DAAM2: variants seen among roughly 807,000 people sequenced by gnomAD.
DAAM2 encodes the protein dishevelled associated activator of morphogenesis 2.
DAAM2 carries 39 observed loss-of-function variants against 120.7 expected under a neutral mutation model. The ratio of observed to expected loss-of-function variants is 0.32; its 90% confidence interval spans 0.25 to 0.42. The LOEUF is 0.42. Ranked by LOEUF, DAAM2 falls within the 10% of genes least tolerant of loss-of-function variation. The probability of loss-of-function intolerance (pLI) is 1.00; values close to 1 mark genes in which losing one functional copy is unlikely to be tolerated. For synonymous variants in DAAM2, 488 were observed against 524.9 expected (o/e 0.93, Z 0.96); for missense variants, 1,283 against 1,401.7 (o/e 0.92, Z 1.35).
Position 39,878,332 on chromosome 6 carries a change from C to T in DAAM2, c.1360+71C>T. The stretch of plus-strand genomic sequence containing the variant: ...CCCTGCCCAGCCCATAACTCCATGC[C>T]CTTCCAGGCAGGGAGTCACATTACT... On this transcript the variant is annotated intron_variant, in intron 12 of 24. Transcript: ENST00000274867. The surrounding 1 kb of genome is among the most constrained non-coding windows in gnomAD (Gnocchi z 5.0). 6.2e-7 allele frequency: 1 copy of T among 1,610,250 alleles called. No individual in the cohort carries two copies. Among genetic ancestry groups the T allele is most frequent in the East Asian group, 2.2e-5 (1 of 44,838 alleles).
intron 19 of DAAM2, among the ~76,000 whole-genome samples, chr6:39,892,329 A>T (rs1232710397): frequency 6.6e-6 from 1 of 152,168 alleles, no homozygotes; most frequent in East Asian, 1.9e-4. Context: ...GGTGGGTGCT[A>T]TTATTAATTT....
At position 39,901,708 on chromosome 6, in the gene DAAM2, C is replaced by A. The variant is rs188998316; in HGVS notation, c.2983-105C>A. 1.6e-5 allele frequency: 18 copies of A among 1,130,200 alleles called. No individual in the cohort carries two copies. The highest frequency in any genetic ancestry group is 2.2e-5 in the Non-Finnish European group (18 of 819,834). 70.0% of individuals were successfully genotyped at this position (1,130,200 alleles called of 1,614,324 possible). ...AGAAAGTGGGGCCAACAGATACAGG[C>A]AGGCAGCATGACCATGGCCTAGGAG... is the stretch of plus-strand genomic sequence containing the variant. On this transcript the variant is annotated intron_variant, in intron 24 of 24. Coordinates refer to ENST00000274867, the MANE Select transcript of DAAM2 (RefSeq NM_001201427.2). This position sits in a 1 kb window ranked among gnomAD's most constrained non-coding sequence, Gnocchi z 4.5.
chr6:39,896,126 T>C (rs1766071310), intron 19 of DAAM2, among the ~76,000 whole-genome samples: 1 of 152,138 alleles, frequency 6.6e-6, no homozygotes, highest in African/African-American at 2.4e-5. Context: ...TGAAGTTAAG[T>C]GCTAGGTTTA....
At chr6:39,870,526 G>A in intron 8 of DAAM2, 83 bp downstream of exon 8, 8 of 885,814 alleles carry the variant, frequency 9.0e-6, no homozygotes, top group African/African-American at 1.7e-5. Context: ...TGTGAAGGCT[G>A]CCCTTCCCTC....
chr6:39,893,325 G>C (rs1213821709), intron 19 of DAAM2, among the ~76,000 whole-genome samples: 1 of 152,138 alleles, frequency 6.6e-6, no homozygotes, highest in Non-Finnish European at 1.5e-5. Context: ...GACCACTCTG[G>C]CTAACACGGT....
In DAAM2 at chr6:39,856,396, C is replaced by T; in HGVS notation, c.94C>T (p.Pro32Ser). ...CGAAATCAACCTCCGGGACAACCAC[C>T]CTCTGCAGTTCATGGAGTTCTCCAG... ...IPEINLRDNHPLQFMEFSSPI... is the reference protein window; with the variant it reads ...IPEINLRDNHSLQFMEFSSPI... The change falls in exon 2 of 25, where the codon CCT becomes TCT. Residue 32 changes from proline (P) to serine (S), a missense_variant. Pro to Ser is a moderately conservative substitution (Grantham distance 74). Around this residue, in one of 3 missense-constraint regions of DAAM2, gnomAD observed 197 missense variants for 189.3 expected, o/e 1.04. Coordinates refer to ENST00000274867, the MANE Select transcript of DAAM2 (RefSeq NM_001201427.2). 1 of 1,551,858 alleles carries T rather than the reference C, an allele frequency of 6.4e-7. No homozygotes were observed. The highest frequency in any genetic ancestry group is 8.7e-7 in the Non-Finnish European group (1 of 1,148,708).
chr6:39,804,800 G>C (rs1172040462), intron 1 of DAAM2, among the ~76,000 whole-genome samples: 1 of 152,172 alleles, frequency 6.6e-6, no homozygotes, highest in Non-Finnish European at 1.5e-5. Context: ...TATATGAAAA[G>C]TGCTTGGCAC....
At chr6:39,814,306 T>G (rs1465487921) in intron 1 of DAAM2, among the ~76,000 whole-genome samples, 1 of 151,974 alleles carries the variant, frequency 6.6e-6, no homozygotes, top group Admixed American at 6.6e-5. Context: ...AGACACCCTG[T>G]TTTAAATGAC....
intron 10 of DAAM2, 119 bp downstream of exon 10, chr6:39,873,474 T>G: frequency 7.4e-4 from 472 of 635,218 alleles, no homozygotes; most frequent in East Asian, 1.3e-3. Context: ...CCCTGTGCAC[T>G]TGCTTTTGGG....
At chr6:39,830,116 G>T (rs147844364) in intron 1 of DAAM2, among the ~76,000 whole-genome samples, 2 of 152,158 alleles carry the variant, frequency 1.3e-5, no homozygotes, top group Non-Finnish European at 2.9e-5. Flanking sequence ...ATTCACTGCC[G>T]CATCCTACAG....
chr6:39,898,030 T>G (rs1435487273), intron 21 of DAAM2, among the ~76,000 whole-genome samples: 2 of 152,220 alleles, frequency 1.3e-5, no homozygotes. Flanking sequence ...CAATTTGCTC[T>G]TAAATCCTTA....
chr6:39,877,989 G>A (rs1382389657), intron 11 of DAAM2, among the ~76,000 whole-genome samples: 2 of 152,162 alleles, frequency 1.3e-5, no homozygotes, highest in South Asian at 4.1e-4. Context: ...GGTATCTAAA[G>A]GTCTTTTCTC....
chr6:39,860,672 G>A (rs934312640), intron 2 of DAAM2, among the ~76,000 whole-genome samples: 2 of 152,202 alleles, frequency 1.3e-5, no homozygotes, highest in African/African-American at 4.8e-5. Flanking sequence ...GGGTGGATTT[G>A]CAGAGACAAG....
At chr6:39,840,530 G>A (rs1364042080) in intron 1 of DAAM2, among the ~76,000 whole-genome samples, 1 of 152,212 alleles carries the variant, frequency 6.6e-6, no homozygotes, top group Non-Finnish European at 1.5e-5. Context: ...TTAGTTGTAG[G>A]GGAAGTTGGT....
chr6:39,888,042 C>T (rs1276997135), intron 16 of DAAM2: 3 of 161,866 alleles, frequency 1.9e-5, no homozygotes, highest in South Asian at 1.8e-4. Context: ...ACATCCTCCT[C>T]CCTTTCTTCT....
chr6:39,831,162 C>T (rs1249940057), intron 1 of DAAM2, among the ~76,000 whole-genome samples: 1 of 152,122 alleles, frequency 6.6e-6, no homozygotes, highest in Non-Finnish European at 1.5e-5. Flanking sequence ...ACTGCGGATA[C>T]AGCAATGAAT....
Position 39,900,072 on chromosome 6 carries a change from C to A in DAAM2, c.2680-5C>A. 1 of 1,600,144 alleles carries A rather than the reference C, an allele frequency of 6.2e-7. No homozygotes were observed. Among genetic ancestry groups the A allele is most frequent in the Admixed American group, 1.7e-5 (1 of 58,460 alleles). On this transcript the variant is annotated splice_region_variant and splice_polypyrimidine_tract_variant and intron_variant, in intron 22 of 24. Coordinates refer to ENST00000274867, the MANE Select transcript of DAAM2 (RefSeq NM_001201427.2). ...TCTAAGCAGCACTTCACCCTCCCTC[C>A]TCAGGAGCTGGAGTATCAGAGGCGC...
At chr6:39,858,633 G>A (rs1219885384) in intron 2 of DAAM2, among the ~76,000 whole-genome samples, 1 of 152,140 alleles carries the variant, frequency 6.6e-6, no homozygotes, top group East Asian at 1.9e-4. Flanking sequence ...GTTGTTATAA[G>A]TTGTTATTTA....
rs1020525073 is a variant in DAAM2, at chr6:39,904,828, T to C, written c.*2791T>C. On this transcript the variant is annotated 3_prime_UTR_variant, in exon 25 of 25. Coordinates refer to ENST00000274867, the MANE Select transcript of DAAM2 (RefSeq NM_001201427.2). ...CTTGCACCTTTTTTATAAGAATATA[T>C]TGTAATACTAAAAAATATTAAATTC... is the stretch of plus-strand genomic sequence containing the variant. The C allele has an allele frequency of 4.4e-6, 2 of 453,958 alleles. No individual in the cohort carries two copies. Among genetic ancestry groups the C allele is most frequent in the Non-Finnish European group, 8.8e-6 (2 of 226,810 alleles). The allele number at this position is 453,958 out of a possible 1,614,324, so 28.1% of individuals were successfully genotyped here.
Sources: allele counts gnomAD v4.1 joint callset (sites outside exome capture counted in the v4.1 genomes callset), GRCh38; gene constraint gnomAD v4.1.1; regional missense constraint gnomAD v4.1.1; non-coding constraint Gnocchi (gnomAD v3.1); transcripts MANE v1.5; gene names NCBI Gene and HGNC (gene_info 2026-07-23, HGNC 2026-07-21).